NMT2: variants seen among roughly 807,000 people sequenced by gnomAD.
The protein encoded by NMT2 is glycylpeptide N-tetradecanoyltransferase 2.
Under a neutral mutation model 65.4 loss-of-function variants are expected in NMT2, and 35 were observed. The observed-to-expected ratio is 0.54, with a 90% CI of 0.41 to 0.71. The LOEUF is 0.71. NMT2 is among the 30% of genes least tolerant of loss of function. The pLI is 0.00. For missense variants in NMT2, 489 were observed against 611.3 expected (o/e 0.80, Z 2.11); for synonymous variants, 226 against 231.8 (o/e 0.98, Z 0.23).
chr10:15,123,322 G>A lies in NMT2; in HGVS notation c.1000-3809C>T, dbSNP rs1480339414. On this transcript the variant is annotated intron_variant, in intron 8 of 11. Transcript: ENST00000378165. ...AGCACTTTGGGAGGCTGAGGCAGGC[G>A]GATCACAAGGTCAAGAGATCGAGAC... 2.6e-5 allele frequency among the ~76,000 whole-genome samples: 4 copies of A among 152,028 alleles called. No individual in the cohort carries two copies. In the East Asian group the frequency reaches 5.8e-4, roughly 22 times the overall value.
At chr10:15,132,436 AT>A (rs892198446) in intron 6 of NMT2, among the ~76,000 whole-genome samples, 21 of 151,392 alleles carry the variant, frequency 1.4e-4, no homozygotes, top group Admixed American at 6.6e-4. Flanking sequence ...TTTTATTTTT[AT>A]TTTTTTTGAG....
At position 15,108,481 on chromosome 10, in the gene NMT2, G is replaced by A. The variant is rs764918893; in HGVS notation, c.*714C>T. 133 of 985,298 alleles carry A rather than the reference G, an allele frequency of 1.3e-4. No individual in the cohort carries two copies. The highest frequency in any genetic ancestry group is 1.5e-4 in the Non-Finnish European group (126 of 829,786). The allele number at this position is 985,298 out of a possible 1,614,324, so 61.0% of individuals were successfully genotyped here. On this transcript the variant is annotated 3_prime_UTR_variant, in exon 12 of 12. Coordinates refer to ENST00000378165, the MANE Select transcript of NMT2 (RefSeq NM_004808.3). ...ATTACAGGCGTGAGCCACCACGCCCGGCCTCAGGCTCTTTCAGAGAGCACA... is the reference window on the plus strand; with the variant it reads ...ATTACAGGCGTGAGCCACCACGCCCAGCCTCAGGCTCTTTCAGAGAGCACA...
At chr10:15,158,643 G>C (rs543845165) in intron 1 of NMT2, among the ~76,000 whole-genome samples, 1 of 152,324 alleles carries the variant, frequency 6.6e-6, no homozygotes, top group African/African-American at 2.4e-5. Context: ...ATCTACCTGT[G>C]AGTAGACAGG....
chr10:15,135,213 G>A lies in NMT2; in HGVS notation c.391+61C>T, dbSNP rs992844916. The A allele has an allele frequency of 4.2e-6, 6 of 1,418,884 alleles. No individual in the cohort carries two copies. The African/African-American group carries it at 5.7e-5, about 14-fold the overall frequency. 87.9% of individuals were successfully genotyped at this position (1,418,884 alleles called of 1,614,324 possible). A position where few individuals can be genotyped will look rare whatever the true frequency, so the allele number is the denominator to read the frequency against. On this transcript the variant is annotated intron_variant, in intron 3 of 11. Transcript: ENST00000378165. ...GTGTTTTGTTGTTGTTGTTGTTGTT[G>A]TTGTTGTTGTTCATCCAGCTTTGTT... is the stretch of plus-strand genomic sequence containing the variant.
chr10:15,130,326 A>G lies in NMT2; in HGVS notation c.720-14T>C, dbSNP rs1846234341. 2 of 1,533,826 alleles carry G rather than the reference A, an allele frequency of 1.3e-6. No individual in the cohort carries two copies. Among genetic ancestry groups the G allele is most frequent in the South Asian group, 1.3e-5 (1 of 78,470 alleles). ...ATCTTCTTCACACTAAGAAATAAAGATGGTGAAGATTAAGAGTCAAAACGA... is the reference window on the plus strand; with the variant it reads ...ATCTTCTTCACACTAAGAAATAAAGGTGGTGAAGATTAAGAGTCAAAACGA... On this transcript the variant is annotated splice_polypyrimidine_tract_variant and intron_variant, in intron 6 of 11. Coordinates refer to ENST00000378165, the MANE Select transcript of NMT2 (RefSeq NM_004808.3).
intron 2 of NMT2, chr10:15,140,958 G>C: frequency 6.5e-7 from 1 of 1,543,838 alleles, no homozygotes; most frequent in African/African-American, 1.4e-5. Flanking sequence ...CTGCAAACTG[G>C]TTTAATTCAA....
chr10:15,120,318 C>T (rs754412820), intron 8 of NMT2, among the ~76,000 whole-genome samples: 5 of 152,066 alleles, frequency 3.3e-5, no homozygotes, highest in African/African-American at 7.2e-5. Context: ...CTTAGCCAGG[C>T]GTGGTGACAT....
chr10:15,112,991 G>T, intron 9 of NMT2, 28 bp from the exon 10 acceptor site: 3 of 1,609,900 alleles, frequency 1.9e-6, no homozygotes, highest in Non-Finnish European at 2.5e-6. Flanking sequence ...GTCAGACAGA[G>T]ATCTCCTTGA....
At chr10:15,167,051 G>A (rs1276980372) in intron 1 of NMT2, among the ~76,000 whole-genome samples, 10 of 152,098 alleles carry the variant, frequency 6.6e-5, no homozygotes, top group Admixed American at 6.5e-4. Flanking sequence ...CTGCACCTGG[G>A]CCCATTTCTG....
intron 2 of NMT2, among the ~76,000 whole-genome samples, 191 bp from the exon 3 acceptor site, chr10:15,135,609 C>T (rs1846455201): frequency 6.6e-6 from 1 of 152,136 alleles, no homozygotes; most frequent in Non-Finnish European, 1.5e-5. Flanking sequence ...AAGGTAACAA[C>T]AGTTGTCTAG....
At chr10:15,166,443 T>C (rs952854391) in intron 1 of NMT2, among the ~76,000 whole-genome samples, 4 of 150,916 alleles carry the variant, frequency 2.7e-5, no homozygotes, top group Admixed American at 2.6e-4. Flanking sequence ...AAACTTGAGC[T>C]ACTTAAAGAA....
intron 9 of NMT2, among the ~76,000 whole-genome samples, chr10:15,115,128 A>C (rs567517630): frequency 6.6e-6 from 1 of 152,342 alleles, no homozygotes; most frequent in African/African-American, 2.4e-5. Flanking sequence ...AATTTCTTCA[A>C]ATAGAAAGGA....
chr10:15,124,242 A>G (rs756762608), intron 8 of NMT2, among the ~76,000 whole-genome samples: 2 of 152,100 alleles, frequency 1.3e-5, no homozygotes, highest in African/African-American at 2.4e-5. Context: ...ACAAAATAAA[A>G]TCTCCCCAAA....
At chr10:15,128,193 A>T (rs1053699222) in intron 8 of NMT2, among the ~76,000 whole-genome samples, 157 bp downstream of exon 8, 2 of 152,196 alleles carry the variant, frequency 1.3e-5, no homozygotes, top group Non-Finnish European at 2.9e-5. Flanking sequence ...CAAACTCCCT[A>T]CCTTCCCTAG....
At chr10:15,112,218 T>TA (rs1564557605) in intron 10 of NMT2, among the ~76,000 whole-genome samples, 31 of 9,496 alleles carry the variant, frequency 3.3e-3, no homozygotes, top group South Asian at 6.2e-3. Flanking sequence ...ATATATATAT[T>TA]TTTTTTTTTT....
At chr10:15,153,539 A>G (rs1832877137) in intron 1 of NMT2, among the ~76,000 whole-genome samples, 1 of 152,274 alleles carries the variant, frequency 6.6e-6, no homozygotes, top group South Asian at 2.1e-4. Context: ...ATTTTGTACC[A>G]CACAGCTGAC....
intron 1 of NMT2, among the ~76,000 whole-genome samples, chr10:15,151,985 C>G (rs746142608): frequency 3.3e-5 from 5 of 152,214 alleles, no homozygotes; most frequent in Non-Finnish European, 7.3e-5. Flanking sequence ...AAGATCGTGC[C>G]ACTGCACTCC....
At chr10:15,160,737 G>T (rs1447576059) in intron 1 of NMT2, among the ~76,000 whole-genome samples, 1 of 151,938 alleles carries the variant, frequency 6.6e-6, no homozygotes, top group East Asian at 1.9e-4. Context: ...TGACGACACT[G>T]CACTCCAGCC....
chr10:15,158,941 A>G (rs1295202049), intron 1 of NMT2, among the ~76,000 whole-genome samples: 1 of 152,208 alleles, frequency 6.6e-6, no homozygotes, highest in Non-Finnish European at 1.5e-5. Flanking sequence ...TGCCACCTCC[A>G]GACACCATCA....
Sources: allele counts gnomAD v4.1 joint callset (sites outside exome capture counted in the v4.1 genomes callset), GRCh38; gene constraint gnomAD v4.1.1; transcripts MANE v1.5; gene names NCBI Gene and HGNC (gene_info 2026-07-23, HGNC 2026-07-21).